Variants in PADI3 observed in about 807,000 individuals in gnomAD.
PADI3 encodes peptidyl arginine deiminase 3.
Under a neutral mutation model 71.5 loss-of-function variants are expected in PADI3, and 53 were observed. The ratio of observed to expected loss-of-function variants is 0.74; its 90% confidence interval spans 0.59 to 0.93. The LOEUF is 0.93. Among genes scored for constraint, PADI3 ranks in the 40% least tolerant of loss-of-function variants. PADI3 has a pLI of 0.00. For synonymous variants in PADI3, 361 were observed against 347.5 expected (o/e 1.04, Z -0.43); for missense variants, 821 against 868.0 (o/e 0.95, Z 0.68).
chr1:17,268,030 G>A, intron 6 of PADI3, 68 bp downstream of exon 6: 1 of 1,593,202 alleles, frequency 6.3e-7, no homozygotes, highest in Non-Finnish European at 8.6e-7. Flanking sequence ...GGAACCTCCT[G>A]TTCCTGCCTT....
intron 11 of PADI3, among the ~76,000 whole-genome samples, 181 bp downstream of exon 11, chr1:17,274,967 C>T (rs530048587): frequency 1.3e-3 from 196 of 152,174 alleles, no homozygotes; most frequent in African/African-American, 4.6e-3. Flanking sequence ...ACACTTACCT[C>T]GGGGACTCTG....
At position 17,273,102 on chromosome 1, in the gene PADI3, T is replaced by C. The variant is rs529164716; in HGVS notation, c.1048-238T>C. Among the ~76,000 whole-genome samples, 14 of 152,292 alleles carry C rather than the reference T, an allele frequency of 9.2e-5. No individual in the cohort carries two copies. The South Asian group carries it at 2.1e-3, about 23-fold the overall frequency. On this transcript the variant is annotated intron_variant, in intron 9 of 15. Coordinates refer to ENST00000375460, the MANE Select transcript of PADI3 (RefSeq NM_016233.2). ...CCCAAGGTCATGTCCATGTTCTCGT[T>C]CACCTCCGGCCTCTGTCTTGCTGTG... is the stretch of plus-strand genomic sequence containing the variant.
intron 9 of PADI3, among the ~76,000 whole-genome samples, chr1:17,272,773 TA>T (rs1445617429): frequency 6.6e-6 from 1 of 152,152 alleles, no homozygotes. Flanking sequence ...GCTGGGATTA[TA>T]GGTGTGAGCC....
chr1:17,254,897 G>A (rs2073009753), intron 1 of PADI3, among the ~76,000 whole-genome samples: 1 of 152,098 alleles, frequency 6.6e-6, no homozygotes, highest in Non-Finnish European at 1.5e-5. Flanking sequence ...TGTATTTTTA[G>A]TGGAGACGTG....
chr1:17,260,724 G>C (rs2100566829), intron 2 of PADI3, among the ~76,000 whole-genome samples: 1 of 152,342 alleles, frequency 6.6e-6, no homozygotes. Flanking sequence ...TAATAGGCAA[G>C]AAAACTAAGA....
At chr1:17,249,335 T>A in intron 1 of PADI3, 106 bp downstream of exon 1, 1 of 911,720 alleles carries the variant, frequency 1.1e-6, no homozygotes, top group Non-Finnish European at 1.8e-6. Flanking sequence ...TCCCCAGCCT[T>A]GGCCTCGGAA....
intron 4 of PADI3, 58 bp from the exon 5 acceptor site, chr1:17,266,661 T>C: frequency 6.9e-7 from 1 of 1,443,198 alleles, no homozygotes; most frequent in Non-Finnish European, 9.8e-7. Flanking sequence ...GGTTCCTGGG[T>C]AGGGAGGCAC....
At chr1:17,280,258 T>G in intron 13 of PADI3, 92 bp from the exon 14 acceptor site, 1 of 970,854 alleles carries the variant, frequency 1.0e-6, no homozygotes, top group Non-Finnish European at 1.6e-6. Flanking sequence ...CCATTAGCTG[T>G]GAACTTGGCT....
At chr1:17,278,708 G>A (rs922185037) in intron 13 of PADI3, among the ~76,000 whole-genome samples, 5 of 151,844 alleles carry the variant, frequency 3.3e-5, no homozygotes, top group African/African-American at 1.2e-4. Context: ...AGTGACCCCA[G>A]AGGTCCCAGG....
chr1:17,262,688 G>T lies in PADI3; in HGVS notation c.346+483G>T, dbSNP rs540952679. Among the ~76,000 whole-genome samples, 33 of 152,282 alleles carry T rather than the reference G, an allele frequency of 2.2e-4. No homozygotes were observed. In the South Asian group the frequency reaches 5.8e-3, roughly 27 times the overall value. The stretch of plus-strand genomic sequence containing the variant: ...AGACATAAAAACCATAGTAATAAGA[G>T]ATTTTAAAAATGCTTTTGAAGGTTT... On this transcript the variant is annotated intron_variant, in intron 3 of 15. Coordinates refer to ENST00000375460, the MANE Select transcript of PADI3 (RefSeq NM_016233.2).
In PADI3 at chr1:17,276,594, C is replaced by A. The variant is rs767020759; in HGVS notation, c.1383C>A (p.Leu461=). The part of the protein sequence containing the change: ...HAQKVQPPVE[L]FVDWLAVGHV... ...AGAAGGTGCAGCCCCCCGTGGAGCTCTTTGTGGACTGGTTGGCCGTGGGCC... is the reference window on the plus strand; with the variant it reads ...AGAAGGTGCAGCCCCCCGTGGAGCTATTTGTGGACTGGTTGGCCGTGGGCC... The change falls in exon 12 of 16, where the codon CTC becomes CTA. Residue 461 remains leucine (L), a synonymous_variant. Coordinates refer to ENST00000375460, the MANE Select transcript of PADI3 (RefSeq NM_016233.2). 6.2e-7 allele frequency: 1 copy of A among 1,614,166 alleles called. No homozygotes were observed. Among genetic ancestry groups the A allele is most frequent in the Non-Finnish European group, 8.5e-7 (1 of 1,180,042 alleles).
chr1:17,250,039 G>T (rs944483168), intron 1 of PADI3, among the ~76,000 whole-genome samples: 2 of 152,220 alleles, frequency 1.3e-5, no homozygotes, highest in Admixed American at 1.3e-4. Flanking sequence ...GGGAGGTAAG[G>T]CCTTATCTTC....
At chr1:17,253,880 G>A (rs962959284) in intron 1 of PADI3, among the ~76,000 whole-genome samples, 1 of 152,186 alleles carries the variant, frequency 6.6e-6, no homozygotes, top group Non-Finnish European at 1.5e-5. Context: ...TTCCCCATAT[G>A]GACCCTGAAG....
intron 13 of PADI3, among the ~76,000 whole-genome samples, chr1:17,278,531 G>A (rs147789022): frequency 0.011 from 1,694 of 152,210 alleles, 39 homozygotes; most frequent in African/African-American, 0.038. Flanking sequence ...TCTGGCCAGG[G>A]CCCACTTTTT....
intron 6 of PADI3, among the ~76,000 whole-genome samples, chr1:17,269,515 A>G (rs1188803926): frequency 2.0e-5 from 3 of 152,216 alleles, no homozygotes; most frequent in Non-Finnish European, 2.9e-5. Context: ...GTAGTTGCAC[A>G]GTAAATATTT....
intron 13 of PADI3, among the ~76,000 whole-genome samples, chr1:17,277,325 G>A (rs911668461): frequency 6.6e-6 from 1 of 152,136 alleles, no homozygotes; most frequent in Non-Finnish European, 1.5e-5. Context: ...CTCCTGAGTA[G>A]CTGGGATTAC....
intron 2 of PADI3, among the ~76,000 whole-genome samples, chr1:17,261,766 C>T (rs1003284350): frequency 4.6e-5 from 7 of 152,268 alleles, no homozygotes; most frequent in African/African-American, 1.7e-4. Context: ...GGCTCAAGCC[C>T]GGGCCTGTCT....
intron 2 of PADI3, among the ~76,000 whole-genome samples, chr1:17,260,766 G>T (rs1195576412): frequency 6.6e-6 from 1 of 152,212 alleles, no homozygotes. Context: ...GAAGTCACAT[G>T]ATCTAGCGAG....
rs190222448 is a variant in PADI3, at chr1:17,274,659, C to T, written c.1180C>T (p.Arg394Trp). 41 of 1,612,986 alleles carry T rather than the reference C, an allele frequency of 2.5e-5. No individual in the cohort carries two copies. In the East Asian group the frequency reaches 5.8e-4, roughly 23 times the overall value. Residue 394 changes from arginine (R) to tryptophan (W), a missense_variant, in exon 11 of 16, where the codon CGG (arginine) becomes TGG (tryptophan). By Grantham distance (101) the Arg-to-Trp change is moderately radical. Transcript: ENST00000375460. ...GGGTCCAGATTTTGGTTACGTGACT[C>T]GGGAACCACGCGACAGGTCTGTGAG... ...ILGPDFGYVT[R>W]EPRDRSVSGL...
Sources: gnomAD v4.1 joint callset for allele counts (sites outside exome capture counted in the v4.1 genomes callset) on GRCh38, gnomAD v4.1.1 for gene constraint, MANE v1.5 for transcripts, NCBI Gene and HGNC (gene_info 2026-07-23, HGNC 2026-07-21) for gene names.